Variants in CREM observed in about 807,000 individuals in gnomAD.
CREM encodes the protein cAMP responsive element modulator.
CREM carries 13 observed loss-of-function variants against 37.3 expected under a neutral mutation model. The observed-to-expected ratio is 0.35, with a 90% CI of 0.23 to 0.55. The LOEUF (loss-of-function observed/expected upper bound fraction) is 0.55. Ranked by LOEUF, CREM falls within the 20% of genes least tolerant of loss-of-function variation. CREM has a pLI of 0.88. For synonymous variants in CREM, 124 were observed against 120.2 expected (o/e 1.03, Z -0.21); for missense variants, 296 against 362.3 (o/e 0.82, Z 1.49).
At chr10:35,205,264 T>G (rs904031993) in intron 6 of CREM, among the ~76,000 whole-genome samples, 1 of 152,254 alleles carries the variant, frequency 6.6e-6, no homozygotes, top group Non-Finnish European at 1.5e-5. Context: ...ATCTGAATAC[T>G]AAGTAAATAT....
chr10:35,174,395 C>T lies in CREM; in HGVS notation c.169-4494C>T, dbSNP rs567876543. Reference sequence around the variant, plus strand: ...TTCTAATAGTGCACCTAGTACAAGGCTCAACACCTAGGTTCTCTTACACGG... The same window carrying T: ...TTCTAATAGTGCACCTAGTACAAGGTTCAACACCTAGGTTCTCTTACACGG... On this transcript the variant is annotated intron_variant, in intron 3 of 7. Transcript: ENST00000685392. Among the ~76,000 whole-genome samples, 5 of 152,310 alleles carry T rather than the reference C, an allele frequency of 3.3e-5. No homozygotes were observed. The South Asian group carries it at 1.0e-3, about 32-fold the overall frequency.
At chr10:35,189,344 A>G (rs1236370826) in intron 6 of CREM, among the ~76,000 whole-genome samples, 1 of 152,076 alleles carries the variant, frequency 6.6e-6, no homozygotes, top group Non-Finnish European at 1.5e-5. Context: ...GTTATACATT[A>G]TTTTAATTCA....
At chr10:35,201,228 A>G (rs546289626) in intron 6 of CREM, among the ~76,000 whole-genome samples, 2 of 152,192 alleles carry the variant, frequency 1.3e-5, no homozygotes, top group African/African-American at 4.8e-5. Flanking sequence ...CAGAAGGGAA[A>G]CTCCAGGGGG....
At chr10:35,132,171 A>G (rs984302360) in intron 1 of CREM, among the ~76,000 whole-genome samples, 5 of 147,900 alleles carry the variant, frequency 3.4e-5, no homozygotes, top group Non-Finnish European at 3.0e-5. Context: ...ACTGCACTCC[A>G]TCCTGGGTGA....
chr10:35,206,789 C>T (rs1008954555), intron 6 of CREM, 106 bp from the exon 7 acceptor site: 2 of 1,002,812 alleles, frequency 2.0e-6, no homozygotes, highest in Non-Finnish European at 3.1e-6. Context: ...ATTACAAGAT[C>T]ACCTCTTATG....
chr10:35,200,731 C>T (rs2095358879), intron 6 of CREM, among the ~76,000 whole-genome samples: 1 of 152,174 alleles, frequency 6.6e-6, no homozygotes, highest in Non-Finnish European at 1.5e-5. Flanking sequence ...AGAAGTGTGA[C>T]ATCTAAGTTA....
At chr10:35,151,100 CAA>C (rs1490378735) in intron 3 of CREM, among the ~76,000 whole-genome samples, 1 of 151,974 alleles carries the variant, frequency 6.6e-6, no homozygotes, top group Non-Finnish European at 1.5e-5. Context: ...GTTTGTGAAA[CAA>C]AGGGGTGAGA....
At chr10:35,146,619 CTG>C (rs888914471) in intron 2 of CREM, among the ~76,000 whole-genome samples, 9 of 152,056 alleles carry the variant, frequency 5.9e-5, no homozygotes, top group Non-Finnish European at 1.2e-4. Context: ...AGAGGCCACT[CTG>C]GGAAGTTATA....
chr10:35,149,965 T>C lies in CREM; in HGVS notation c.168+1474T>C, dbSNP rs555204560. Among the ~76,000 whole-genome samples the C allele has an allele frequency of 5.2e-5, 7 of 134,090 alleles. No individual in the cohort carries two copies. The East Asian group carries it at 1.1e-3, about 22-fold the overall frequency. The allele number at this position is 134,090 out of a possible 152,430, so 88.0% of individuals were successfully genotyped here. On this transcript the variant is annotated intron_variant, in intron 3 of 7. Transcript: ENST00000685392. ...CCTTGTTAAAAAAAATGCATGTTCATTGTAGAAAATAAATATTAAAATGAA... is the reference window on the plus strand; with the variant it reads ...CCTTGTTAAAAAAAATGCATGTTCACTGTAGAAAATAAATATTAAAATGAA...
chr10:35,179,593 G>A lies in CREM; in HGVS notation c.409+317G>A, dbSNP rs543393337. 4.2e-4 allele frequency: 113 copies of A among 269,358 alleles called. 1 individual carries two copies. The Middle Eastern group carries it at 4.4e-3, about 11-fold the overall frequency. 16.7% of individuals were successfully genotyped at this position (269,358 alleles called of 1,614,324 possible). On this transcript the variant is annotated intron_variant, in intron 5 of 7. Transcript: ENST00000685392. Reference sequence around the variant, plus strand: ...TTTTTGTTGTCTTTATGATGCATGCGAACATAAATGTCTGTATTTCATTCT... The same window carrying A: ...TTTTTGTTGTCTTTATGATGCATGCAAACATAAATGTCTGTATTTCATTCT...
chr10:35,135,523 T>C (rs2090324493), intron 1 of CREM: 1 of 150,630 alleles, frequency 6.6e-6, no homozygotes, highest in Non-Finnish European at 1.5e-5. Flanking sequence ...AAAAAGAAAG[T>C]TGGTAGATTG....
At chr10:35,158,325 G>T in intron 3 of CREM, 2 of 188,446 alleles carry the variant, frequency 1.1e-5, no homozygotes, top group Non-Finnish European at 2.2e-5. Context: ...CCATTGCAGG[G>T]TATCCTGCAG....
At chr10:35,149,889 A>ACACACACACACACAC in intron 3 of CREM, among the ~76,000 whole-genome samples, 1 of 111,922 alleles carries the variant, frequency 8.9e-6, no homozygotes, top group South Asian at 3.3e-4. Flanking sequence ...CTTTTGCTTA[A>ACACACACACACACAC]ACACACACAC....
At chr10:35,179,601 A>T in intron 5 of CREM, 1 of 256,138 alleles carries the variant, frequency 3.9e-6, no homozygotes, top group Non-Finnish European at 7.3e-6. Context: ...GCGAACATAA[A>T]TGTCTGTATT....
At chr10:35,161,506 TA>T (rs1363731027) in intron 3 of CREM, among the ~76,000 whole-genome samples, 1 of 149,448 alleles carries the variant, frequency 6.7e-6, no homozygotes, top group Non-Finnish European at 1.5e-5. Context: ...AAACAAAAAA[TA>T]AAAAAAATTA....
chr10:35,203,350 A>G (rs1301509002), intron 6 of CREM, among the ~76,000 whole-genome samples: 2 of 152,008 alleles, frequency 1.3e-5, no homozygotes, highest in Non-Finnish European at 2.9e-5. Context: ...CTGCCCTTGA[A>G]CTTCATTGTT....
rs1038335237 is a variant in CREM at position 35,128,560 on chromosome 10, C to T, written c.-55+1367C>T. Among the ~76,000 whole-genome samples the T allele has an allele frequency of 2.1e-5, 3 of 139,694 alleles. No homozygotes were observed. In the East Asian group the frequency reaches 6.2e-4, roughly 29 times the overall value. The allele number at this position is 139,694 out of a possible 152,430, so 91.6% of individuals were successfully genotyped here. A position where few individuals can be genotyped will look rare whatever the true frequency, so the allele number is the denominator to read the frequency against. On this transcript the variant is annotated intron_variant, in intron 1 of 7. Transcript: ENST00000685392. ...TTTTTTTTTGAGACGGGGTCTCGCT[C>T]TGTCGCCCAGGCTGGAGTGCAGTGG...
intron 3 of CREM, among the ~76,000 whole-genome samples, chr10:35,174,125 C>T (rs2093945486): frequency 6.6e-6 from 1 of 152,144 alleles, no homozygotes; most frequent in African/African-American, 2.4e-5. Context: ...TGAATTTTCC[C>T]TGTGGGCTAC....
At chr10:35,193,029 A>G (rs1402609673) in intron 6 of CREM, among the ~76,000 whole-genome samples, 5 of 152,178 alleles carry the variant, frequency 3.3e-5, no homozygotes, top group Admixed American at 2.0e-4. Context: ...ATTGCCTGAT[A>G]AGAATACGTT....
Sources: allele counts gnomAD v4.1 joint callset (sites outside exome capture counted in the v4.1 genomes callset), GRCh38; gene constraint gnomAD v4.1.1; transcripts MANE v1.5; gene names NCBI Gene and HGNC (gene_info 2026-07-23, HGNC 2026-07-21).